The following GLRA3 variants were observed in gnomAD, a reference collection of about 807,000 sequenced individuals.
GLRA3 encodes glycine receptor subunit alpha-3.
In GLRA3, 44 loss-of-function variants were observed where a neutral mutation model predicts 60.4. That is an observed-to-expected ratio of 0.73 (90% confidence interval 0.57 to 0.94). The LOEUF is 0.94. Ranked by LOEUF, GLRA3 falls within the 40% of genes least tolerant of loss-of-function variation. The probability of loss-of-function intolerance (pLI) is 0.00; values close to 1 mark genes in which losing one functional copy is unlikely to be tolerated. For missense variants in GLRA3, 508 were observed against 564.6 expected (o/e 0.90, Z 1.02); for synonymous variants, 223 against 192.9 (o/e 1.16, Z -1.29).
chr4:174,711,639 T>C (rs111442413), intron 5 of GLRA3, among the ~76,000 whole-genome samples: 22,771 of 151,710 alleles, frequency 0.15, 1,747 homozygotes, highest in East Asian at 0.19. Flanking sequence ...GGGGTTTCAC[T>C]ATATTGGCTA....
intron 3 of GLRA3, among the ~76,000 whole-genome samples, chr4:174,740,335 C>T (rs1736969342): frequency 6.6e-6 from 1 of 152,092 alleles, no homozygotes; most frequent in South Asian, 2.1e-4. Flanking sequence ...GCTGCCATGT[C>T]AGAAGTTAGA....
At chr4:174,708,121 T>C (rs998446252) in intron 5 of GLRA3, among the ~76,000 whole-genome samples, 1 of 152,160 alleles carries the variant, frequency 6.6e-6, no homozygotes, top group African/African-American at 2.4e-5. Context: ...TATTTCTCAC[T>C]AGGCAAACAA....
intron 7 of GLRA3, among the ~76,000 whole-genome samples, chr4:174,673,000 A>T (rs1343747018): frequency 6.6e-6 from 1 of 152,034 alleles, no homozygotes; most frequent in African/African-American, 2.4e-5. Context: ...AGTTTAAAAG[A>T]CTAAAATAAG....
At chr4:174,735,900 C>T (rs7665933) in intron 3 of GLRA3, among the ~76,000 whole-genome samples, 44,748 of 151,982 alleles carry the variant, frequency 0.29, 6,841 homozygotes, top group African/African-American at 0.36. Context: ...TATTTTTGGA[C>T]CTTCACTAAA....
At chr4:174,826,677 T>C (rs528833290) in intron 1 of GLRA3, among the ~76,000 whole-genome samples, 4 of 152,316 alleles carry the variant, frequency 2.6e-5, no homozygotes, top group Non-Finnish European at 5.9e-5. Context: ...CTGGTTGTTG[T>C]TGTTGCCTCC....
chr4:174,682,982 A>G, intron 5 of GLRA3, 43 bp from the exon 6 acceptor site: 1 of 1,524,038 alleles, frequency 6.6e-7, no homozygotes, highest in South Asian at 1.1e-5. Flanking sequence ...TAAAAAGGGC[A>G]TTCAAAGAAA....
chr4:174,747,953 GGTTT>G (rs1244286857), intron 3 of GLRA3, among the ~76,000 whole-genome samples: 1 of 133,664 alleles, frequency 7.5e-6, no homozygotes, highest in Non-Finnish European at 1.6e-5. Flanking sequence ...ATGTTATTTT[GGTTT>G]GTTTTATACT....
At chr4:174,660,505 G>A (rs1190990711) in intron 7 of GLRA3, among the ~76,000 whole-genome samples, 1 of 152,092 alleles carries the variant, frequency 6.6e-6, no homozygotes, top group Non-Finnish European at 1.5e-5. Context: ...ATCATATCAG[G>A]AGGCACACAA....
At chr4:174,655,245 C>T (rs922286260) in intron 9 of GLRA3, among the ~76,000 whole-genome samples, 15 of 152,188 alleles carry the variant, frequency 9.9e-5, no homozygotes, top group African/African-American at 3.4e-4. Context: ...AAGCAAAATA[C>T]ATAGTTTTAA....
chr4:174,792,924 T>C (rs1312929219), intron 1 of GLRA3, among the ~76,000 whole-genome samples: 1 of 152,184 alleles, frequency 6.6e-6, no homozygotes, highest in Non-Finnish European at 1.5e-5. Flanking sequence ...TTTGGGGCTA[T>C]TGGTTTACGT....
intron 7 of GLRA3, among the ~76,000 whole-genome samples, chr4:174,665,000 T>G (rs546428746): frequency 1.2e-4 from 18 of 152,194 alleles, no homozygotes; most frequent in Middle Eastern, 3.4e-3. Context: ...ATACATAAGA[T>G]AATTTAAAAG....
chr4:174,693,207 G>A (rs1734926822), intron 5 of GLRA3, among the ~76,000 whole-genome samples: 1 of 152,108 alleles, frequency 6.6e-6, no homozygotes, highest in Non-Finnish European at 1.5e-5. Flanking sequence ...ATTGCTTTTG[G>A]TGTCTTTATC....
chr4:174,691,604 G>C lies in GLRA3; in HGVS notation c.575-8665C>G, dbSNP rs2111010551. Reference sequence around the variant, plus strand: ...AGACGGGGTTTCGCTGTGTTGGCTGGGCTGGTCTCCAGCTCGTAACCGCGA... The same window carrying C: ...AGACGGGGTTTCGCTGTGTTGGCTGCGCTGGTCTCCAGCTCGTAACCGCGA... On this transcript the variant is annotated intron_variant, in intron 5 of 9. Transcript: ENST00000274093. Among the ~76,000 whole-genome samples the C allele has an allele frequency of 3.3e-5, 5 of 152,312 alleles. No homozygotes were observed. The South Asian group carries it at 1.0e-3, about 32-fold the overall frequency.
At chr4:174,664,827 C>T (rs1733591239) in intron 7 of GLRA3, among the ~76,000 whole-genome samples, 1 of 152,180 alleles carries the variant, frequency 6.6e-6, no homozygotes, top group South Asian at 2.1e-4. Context: ...CACATAAAGA[C>T]TAGCTTTCAT....
intron 1 of GLRA3, among the ~76,000 whole-genome samples, chr4:174,825,385 G>T (rs1278748463): frequency 6.6e-6 from 1 of 151,972 alleles, no homozygotes; most frequent in East Asian, 1.9e-4. Flanking sequence ...AGTAAACCAA[G>T]AAAATATTAC....
At chr4:174,800,615 A>G (rs976806340) in intron 1 of GLRA3, among the ~76,000 whole-genome samples, 18 of 151,926 alleles carry the variant, frequency 1.2e-4, no homozygotes, top group Non-Finnish European at 2.5e-4. Context: ...CCCCCGCCAA[A>G]AAAACTTTCT....
intron 1 of GLRA3, among the ~76,000 whole-genome samples, chr4:174,817,033 C>G (rs1402383585): frequency 6.6e-6 from 1 of 152,088 alleles, no homozygotes; most frequent in Non-Finnish European, 1.5e-5. Context: ...GTTCTTTTTG[C>G]TTCAGTGAAG....
chr4:174,800,501 A>C (rs908861701), intron 1 of GLRA3, among the ~76,000 whole-genome samples: 9 of 152,022 alleles, frequency 5.9e-5, no homozygotes, highest in Non-Finnish European at 1.3e-4. Flanking sequence ...GTCACACTGC[A>C]TCTCCTGATT....
rs560737838 is a variant in GLRA3, at chr4:174,638,708, T to C, written c.*5078A>G. The stretch of plus-strand genomic sequence containing the variant: ...ATTGATCCTTATTAAGAGAATAAGC[T>C]TGTGTAAGTTCACACGAATTCTCTC... On this transcript the variant is annotated 3_prime_UTR_variant, in exon 10 of 10. Coordinates refer to ENST00000274093, the MANE Select transcript of GLRA3 (RefSeq NM_006529.4). 3.3e-5 allele frequency: 5 copies of C among 152,318 alleles called. No homozygotes were observed. The highest frequency in any genetic ancestry group is 1.2e-4 in the African/African-American group (5 of 41,568). The allele number at this position is 152,318 out of a possible 1,614,324, so 9.4% of individuals were successfully genotyped here. A position where few individuals can be genotyped will look rare whatever the true frequency, so the allele number is the denominator to read the frequency against.
Sources: gnomAD v4.1 joint callset for allele counts (sites outside exome capture counted in the v4.1 genomes callset) on GRCh38, gnomAD v4.1.1 for gene constraint, MANE v1.5 for transcripts, NCBI Gene and HGNC (gene_info 2026-07-23, HGNC 2026-07-21) for gene names.